Variants in KIZ observed in about 807,000 individuals in gnomAD.
The protein encoded by KIZ is centrosomal protein kizuna.
In KIZ, 68 loss-of-function variants were observed where a neutral mutation model predicts 79.6. That is an observed-to-expected ratio of 0.85 (90% confidence interval 0.70 to 1.05). The LOEUF (loss-of-function observed/expected upper bound fraction) is 1.05, where lower values mean the gene tolerates loss of function less well. KIZ is among the 50% of genes least tolerant of loss of function. The pLI is 0.00. For synonymous variants in KIZ, 280 were observed against 281.8 expected (o/e 0.99, Z 0.06); for missense variants, 797 against 800.4 (o/e 1.00, Z 0.05).
In KIZ at chr20:21,246,600, T is replaced by A. The variant is rs766796604; in HGVS notation, c.*24T>A. On this transcript the variant is annotated 3_prime_UTR_variant, in exon 13 of 13. Coordinates refer to ENST00000619189, the MANE Select transcript of KIZ (RefSeq NM_018474.6). ...AACGTGCTGTGACATTGGTTTCAAATAAAGTCTTTAAACAAACTAAAATCC... is the reference window on the plus strand; with the variant it reads ...AACGTGCTGTGACATTGGTTTCAAAAAAAGTCTTTAAACAAACTAAAATCC... The A allele has an allele frequency of 2.6e-5, 35 of 1,347,932 alleles. 1 individual carries two copies. In the Admixed American group the frequency reaches 4.9e-4, roughly 19 times the overall value. 83.5% of individuals were successfully genotyped at this position (1,347,932 alleles called of 1,614,324 possible).
chr20:21,175,680 T>C (rs984008305), intron 6 of KIZ, among the ~76,000 whole-genome samples: 1 of 152,192 alleles, frequency 6.6e-6, no homozygotes, highest in South Asian at 2.1e-4. Flanking sequence ...GAAACAATTA[T>C]ACAACTGAAT....
intron 9 of KIZ, among the ~76,000 whole-genome samples, chr20:21,222,917 G>A (rs1029141458): frequency 3.9e-5 from 6 of 152,114 alleles, no homozygotes; most frequent in African/African-American, 7.2e-5. Context: ...TGAGTTTGTC[G>A]GGTTGAGGGG....
chr20:21,136,586 TTTG>T (rs1411295059), intron 3 of KIZ, 34 bp downstream of exon 3: 3 of 1,456,248 alleles, frequency 2.1e-6, no homozygotes, highest in Non-Finnish European at 2.7e-6. Flanking sequence ...TTTTATTTTA[TTTG>T]TTGTTGTGTG....
chr20:21,207,320 T>C (rs2035865674), intron 7 of KIZ, among the ~76,000 whole-genome samples: 1 of 152,100 alleles, frequency 6.6e-6, no homozygotes, highest in East Asian at 1.9e-4. Flanking sequence ...TTTTTTTTTA[T>C]AACATTTCAA....
intron 11 of KIZ, among the ~76,000 whole-genome samples, chr20:21,238,921 C>G (rs1347556652): frequency 2.0e-5 from 3 of 152,196 alleles, no homozygotes; most frequent in Non-Finnish European, 4.4e-5. Context: ...GCATCTCAGG[C>G]CTGCCTTCCC....
intron 6 of KIZ, chr20:21,166,669 G>T: frequency 1.4e-6 from 1 of 711,542 alleles, no homozygotes; most frequent in South Asian, 1.8e-5. Flanking sequence ...TGTTGGTCAG[G>T]CTGGTCTTGT....
At chr20:21,193,749 G>A (rs969057398) in intron 6 of KIZ, among the ~76,000 whole-genome samples, 7 of 149,542 alleles carry the variant, frequency 4.7e-5, no homozygotes, top group Non-Finnish European at 7.4e-5. Context: ...GCAAACTATC[G>A]CAAGGACAAA....
intron 1 of KIZ, among the ~76,000 whole-genome samples, chr20:21,130,767 A>G (rs114594131): frequency 1.1e-3 from 173 of 152,340 alleles, no homozygotes; most frequent in African/African-American, 3.4e-3. Flanking sequence ...TCCATTTAAC[A>G]TTATGCAAAG....
intron 12 of KIZ, chr20:21,244,954 G>A (rs540787204): frequency 1.3e-5 from 2 of 152,618 alleles, no homozygotes; most frequent in South Asian, 2.1e-4. Flanking sequence ...TCCTTCTGTA[G>A]GGAGTTCCTT....
intron 7 of KIZ, among the ~76,000 whole-genome samples, chr20:21,208,600 G>A (rs1303355382): frequency 6.6e-6 from 1 of 152,134 alleles, no homozygotes; most frequent in Non-Finnish European, 1.5e-5. Flanking sequence ...CTACTTAGGA[G>A]GCTGAGGCAG....
intron 4 of KIZ, among the ~76,000 whole-genome samples, chr20:21,160,164 T>A (rs1004290857): frequency 2.0e-5 from 3 of 152,166 alleles, no homozygotes; most frequent in African/African-American, 7.2e-5. Flanking sequence ...CTCAGTGTGG[T>A]CGGTCCAGAT....
intron 4 of KIZ, among the ~76,000 whole-genome samples, chr20:21,152,954 G>T (rs967309906): frequency 3.9e-5 from 6 of 152,086 alleles, no homozygotes; most frequent in Admixed American, 3.9e-4. Context: ...GGATTTTTAT[G>T]TTTGTTTTTA....
In KIZ at chr20:21,234,791, A is replaced by T. The variant is rs1308197840; in HGVS notation, c.1880+1961A>T. 2.0e-5 allele frequency among the ~76,000 whole-genome samples: 3 copies of T among 152,046 alleles called. No homozygotes were observed. In the East Asian group the frequency reaches 5.8e-4, roughly 29 times the overall value. ...CTGGACCTAAAAAAAAAAAAAAAAA[A>T]AAATGGCTTCCTCTGATGTCCTAGA... On this transcript the variant is annotated intron_variant, in intron 11 of 12. Coordinates refer to ENST00000619189, the MANE Select transcript of KIZ (RefSeq NM_018474.6).
intron 6 of KIZ, among the ~76,000 whole-genome samples, chr20:21,184,288 T>TA (rs1351680783): frequency 2.6e-5 from 4 of 152,100 alleles, no homozygotes; most frequent in African/African-American, 9.7e-5. Flanking sequence ...GAGCTGGGAT[T>TA]ACAGGTGCCC....
At chr20:21,142,507 T>C (rs2122468047) in intron 3 of KIZ, among the ~76,000 whole-genome samples, 1 of 152,268 alleles carries the variant, frequency 6.6e-6, no homozygotes, top group South Asian at 2.1e-4. Context: ...GATGATACTC[T>C]TTATTATACC....
chr20:21,176,235 G>A (rs1408141253), intron 6 of KIZ, among the ~76,000 whole-genome samples: 1 of 152,094 alleles, frequency 6.6e-6, no homozygotes, highest in Admixed American at 6.5e-5. Context: ...GCCTGAACCT[G>A]GGAGGCAGAG....
intron 11 of KIZ, among the ~76,000 whole-genome samples, chr20:21,241,681 T>C (rs1442804142): frequency 6.6e-6 from 1 of 152,144 alleles, no homozygotes; most frequent in African/African-American, 2.4e-5. Flanking sequence ...AGGAAATCAT[T>C]TTTTCCTAGA....
intron 7 of KIZ, among the ~76,000 whole-genome samples, chr20:21,210,713 G>A (rs1373895551): frequency 1.3e-5 from 2 of 151,892 alleles, no homozygotes; most frequent in Non-Finnish European, 2.9e-5. Flanking sequence ...ACCAGTAATG[G>A]ATGAAAATAA....
At chr20:21,192,611 A>G (rs550924593) in intron 6 of KIZ, among the ~76,000 whole-genome samples, 2 of 152,320 alleles carry the variant, frequency 1.3e-5, no homozygotes, top group South Asian at 4.1e-4. Context: ...TTCCCTGAAA[A>G]ATGAACTGAC....
Sources: allele counts gnomAD v4.1 joint callset (sites outside exome capture counted in the v4.1 genomes callset), GRCh38; gene constraint gnomAD v4.1.1; transcripts MANE v1.5; gene names NCBI Gene and HGNC (gene_info 2026-07-23, HGNC 2026-07-21).